PTPRH: variants seen among roughly 807,000 people sequenced by gnomAD.
PTPRH encodes protein tyrosine phosphatase receptor type H.
Under a neutral mutation model 130.2 loss-of-function variants are expected in PTPRH, and 113 were observed. That is an observed-to-expected ratio of 0.87 (90% confidence interval 0.75 to 1.01). The LOEUF (loss-of-function observed/expected upper bound fraction) is 1.01. Among genes scored for constraint, PTPRH ranks in the 50% least tolerant of loss-of-function variants. PTPRH has a pLI of 0.00. For synonymous variants in PTPRH, 556 were observed against 577.9 expected, an observed-to-expected ratio of 0.96 and a Z score of 0.54; for missense variants, 1,430 against 1,425.0, an observed-to-expected ratio of 1.00 and a Z score of -0.06.
intron 3 of PTPRH, among the ~76,000 whole-genome samples, chr19:55,206,417 G>C (rs541838889): frequency 6.6e-6 from 1 of 150,816 alleles, no homozygotes; most frequent in East Asian, 2.0e-4. Flanking sequence ...TCTGCCTCCC[G>C]GGCTCAAGCG....
At chr19:55,182,352 C>T (rs929438728) in intron 18 of PTPRH, among the ~76,000 whole-genome samples, 2 of 152,178 alleles carry the variant, frequency 1.3e-5, no homozygotes, top group South Asian at 2.1e-4. Flanking sequence ...CTGGCAAAAC[C>T]GTCTCTTCTA....
rs374052411 is a variant in PTPRH at position 55,205,482 on chromosome 19, C to T, written c.463G>A (p.Glu155Lys). ...GCTCTGCCACCATCTCCAGTGTACT[C>T]AACCCCGTAGGTGGAGTTCTGTGGG... ...PDPQNSTYGV[E>K]YTGDGGRAGT... is the part of the protein sequence containing the mutation. The change falls in exon 4 of 20, where the codon GAG becomes AAG. Residue 155 changes from glutamate (E) to lysine (K), a missense_variant. Physicochemically the swap from Glu to Lys is moderately conservative, Grantham distance 56. Coordinates refer to ENST00000376350, the MANE Select transcript of PTPRH (RefSeq NM_002842.5). The T allele has an allele frequency of 1.1e-4, 172 of 1,614,094 alleles. No individual in the cohort carries two copies. Among genetic ancestry groups the T allele is most frequent in the Admixed American group, 1.5e-4 (9 of 60,000 alleles).
intron 18 of PTPRH, among the ~76,000 whole-genome samples, chr19:55,184,014 G>A (rs1599962749): frequency 6.6e-6 from 1 of 151,402 alleles, no homozygotes; most frequent in Admixed American, 6.6e-5. Context: ...GCCGGGCACA[G>A]TGGTTCACGC....
Position 55,181,887 on chromosome 19 carries a change from A to G in PTPRH, c.3215T>C (p.Leu1072Pro). The change falls in exon 20 of 20, where the codon CTG becomes CCG. Residue 1072 changes from leucine (L) to proline (P), a missense_variant. Leu to Pro is a moderately conservative substitution (Grantham distance 98). Coordinates refer to ENST00000376350, the MANE Select transcript of PTPRH (RefSeq NM_002842.5). ...GAGGAACCGCAGGATGCACTGATGCAGGAATACGTACTGAGCCTGGGAAGC... is the reference window on the plus strand; with the variant it reads ...GAGGAACCGCAGGATGCACTGATGCGGGAATACGTACTGAGCCTGGGAAGC... ...MVQTEAQYVF[L>P]HQCILRFLQQ... is the part of the protein sequence containing the mutation. The G allele has an allele frequency of 9.3e-6, 15 of 1,614,194 alleles. No homozygotes were observed. Among genetic ancestry groups the G allele is most frequent in the Non-Finnish European group, 1.1e-5 (13 of 1,180,024 alleles).
chr19:55,184,006 C>T (rs1026673986), intron 18 of PTPRH, among the ~76,000 whole-genome samples: 4 of 150,440 alleles, frequency 2.7e-5, no homozygotes, highest in Non-Finnish European at 4.4e-5. Flanking sequence ...AGGACATTGC[C>T]GGGCACAGTG....
At position 55,191,759 on chromosome 19, in the gene PTPRH, CG is replaced by C. The variant is rs773008641; in HGVS notation, c.2258-19del. 210 of 1,603,966 alleles carry C rather than the reference CG, an allele frequency of 1.3e-4. No homozygotes were observed. Among genetic ancestry groups the C allele is most frequent in the Non-Finnish European group, 2.0e-5 (23 of 1,171,212 alleles). On this transcript the variant is annotated intron_variant, in intron 10 of 19. Transcript: ENST00000376350. Reference sequence around the variant, plus strand: ...AATGACCCCTGTGGGGAGGAGGCATCGGGAACCCTCAGAGCGCAGGTCTGAG... The same window carrying C: ...AATGACCCCTGTGGGGAGGAGGCATCGGAACCCTCAGAGCGCAGGTCTGAG...
intron 14 of PTPRH, among the ~76,000 whole-genome samples, chr19:55,187,128 A>T (rs2886444): frequency 2.7e-5 from 4 of 150,788 alleles, no homozygotes; most frequent in Admixed American, 2.6e-4. Context: ...GGCAGATCAC[A>T]AGGTCAGGAG....
At position 55,205,519 on chromosome 19, in the gene PTPRH, G is replaced by A. The variant is rs138481504; in HGVS notation, c.426C>T (p.Pro142=). Residue 142 remains proline (P), a synonymous_variant, in exon 4 of 20, where the codon CCC becomes CCT. Transcript: ENST00000376350. ...NSSIALTWEV[P]DGPDPQNSTY... ...TGGAGTTCTGTGGGTCTGGGCCGTC[G>A]GGGACCTCCCAGGTCAGGGCGATGG... The A allele has an allele frequency of 7.5e-4, 1,209 of 1,614,066 alleles. 1 individual carries two copies. Among genetic ancestry groups the A allele is most frequent in the Non-Finnish European group, 9.5e-4 (1,118 of 1,180,046 alleles).
In PTPRH at chr19:55,197,146, C is replaced by A; in HGVS notation, c.1961G>T (p.Ser654Ile). The A allele has an allele frequency of 6.2e-7, 1 of 1,614,260 alleles. No individual in the cohort carries two copies. Among genetic ancestry groups the A allele is most frequent in the Non-Finnish European group, 8.5e-7 (1 of 1,180,058 alleles). The change falls in exon 9 of 20, where the codon AGT (serine) becomes ATT (isoleucine). Residue 654 changes from serine (S) to isoleucine (I), a missense_variant. By Grantham distance (142) the Ser-to-Ile change is moderately radical. Coordinates refer to ENST00000376350, the MANE Select transcript of PTPRH (RefSeq NM_002842.5). ...TVWAERNDVA[S>I]STQSLCASTY... ...GGACGCACAGAGGCTCTGCGTGGAACTGGCTACGTCATTCCTCTCTGCCCA... is the reference window on the plus strand; with the variant it reads ...GGACGCACAGAGGCTCTGCGTGGAAATGGCTACGTCATTCCTCTCTGCCCA...
intron 16 of PTPRH, 87 bp downstream of exon 16, chr19:55,186,138 G>T: frequency 6.4e-7 from 1 of 1,569,266 alleles, no homozygotes; most frequent in South Asian, 1.2e-5. Flanking sequence ...GGAGGAATCC[G>T]TAAGGTCTGG....
intron 5 of PTPRH, among the ~76,000 whole-genome samples, chr19:55,203,086 T>C (rs1382087393): frequency 1.3e-5 from 2 of 151,034 alleles, no homozygotes; most frequent in Admixed American, 6.6e-5. Flanking sequence ...CCCAGCACTT[T>C]GGGAGGCCAA....
chr19:55,198,546 T>G, intron 8 of PTPRH, 97 bp downstream of exon 8: 1 of 1,315,032 alleles, frequency 7.6e-7, no homozygotes, highest in Non-Finnish European at 1.0e-6. Flanking sequence ...GAGAGGCCCA[T>G]GGGTACTCTT....
chr19:55,196,008 G>C (rs2086669587), intron 10 of PTPRH, among the ~76,000 whole-genome samples: 1 of 152,044 alleles, frequency 6.6e-6, no homozygotes, highest in Non-Finnish European at 1.5e-5. Flanking sequence ...CTTTCTGTTG[G>C]GGGTAATGAA....
chr19:55,200,166 A>G, intron 7 of PTPRH, 70 bp downstream of exon 7: 1 of 1,547,638 alleles, frequency 6.5e-7, no homozygotes, highest in African/African-American at 1.4e-5. Context: ...AGCCCAGAAG[A>G]GGTGCCACGC....
intron 14 of PTPRH, 71 bp downstream of exon 14, chr19:55,187,442 G>A: frequency 8.0e-7 from 1 of 1,245,154 alleles, no homozygotes; most frequent in Non-Finnish European, 1.2e-6. Context: ...AAGCGGGTAG[G>A]AGAAGGGGAC....
In PTPRH at chr19:55,206,875, G is replaced by C. The variant is rs561780580; in HGVS notation, c.166C>G (p.Leu56Val). Residue 56 changes from leucine (L) to valine (V), a missense_variant, in exon 3 of 20, where the codon CTA (leucine) becomes GTA (valine). Transcript: ENST00000376350. ...ISLSWEVPDGLDSQNSNYWVQ... is the reference protein window; with the variant it reads ...ISLSWEVPDGVDSQNSNYWVQ... ...CAGTAGTTGGAGTTCTGTGAGTCTA[G>C]GCCATCGGGGACCTCCCAGCTCAGG... 4.3e-6 allele frequency: 7 copies of C among 1,613,980 alleles called. No homozygotes were observed. The highest frequency in any genetic ancestry group is 1.7e-5 in the Admixed American group (1 of 60,006).
intron 4 of PTPRH, among the ~76,000 whole-genome samples, chr19:55,205,004 T>C (rs1456493697): frequency 1.3e-5 from 2 of 151,806 alleles, no homozygotes; most frequent in African/African-American, 4.8e-5. Flanking sequence ...AGAAGAAGAG[T>C]CAGAGGGTCA....
chr19:55,202,660 C>CATAT (rs150271594), intron 5 of PTPRH, among the ~76,000 whole-genome samples: 2 of 151,008 alleles, frequency 1.3e-5, no homozygotes, highest in Admixed American at 6.6e-5. Context: ...TATACATACA[C>CATAT]ATATATATAT....
Position 55,198,797 on chromosome 19 carries a change from C to T in PTPRH, c.1536G>A (p.Trp512Ter). 6.2e-7 allele frequency: 1 copy of T among 1,612,582 alleles called. No homozygotes were observed. The highest frequency in any genetic ancestry group is 8.5e-7 in the Non-Finnish European group (1 of 1,179,164). Residue 512 changes from tryptophan (W) to a stop codon, truncating the protein, a stop_gained, in exon 8 of 20, where the codon TGG (tryptophan) becomes TGA (stop). Transcript: ENST00000376350. LOFTEE classifies it high-confidence loss of function. ...GQSSYSYWVS[W>*]VREGMTDPRT... ...TGGGGTCAGTCATGCCTTCCCTGAC[C>T]CATGAGACCCAGTAGCTGTAGGAAG...
Sources: allele counts gnomAD v4.1 joint callset (sites outside exome capture counted in the v4.1 genomes callset), GRCh38; gene constraint gnomAD v4.1.1; transcripts MANE v1.5; gene names NCBI Gene and HGNC (gene_info 2026-07-23, HGNC 2026-07-21).